Variants in ROBO2 observed in about 807,000 individuals in gnomAD.
ROBO2 encodes the protein roundabout guidance receptor 2.
A neutral mutation model predicts 160.8 loss-of-function variants in ROBO2; 53 were observed. That is an observed-to-expected ratio of 0.33 (90% confidence interval 0.26 to 0.41). The LOEUF (loss-of-function observed/expected upper bound fraction) is 0.41, where lower values mean the gene tolerates loss of function less well. Among genes scored for constraint, ROBO2 ranks in the 10% least tolerant of loss-of-function variants. The pLI is 1.00. For missense variants in ROBO2, 1,577 were observed against 1,722.4 expected, an observed-to-expected ratio of 0.92 and a Z score of 1.49; for synonymous variants, 664 against 611.7, an observed-to-expected ratio of 1.09 and a Z score of -1.26.
At chr3:77,537,996 T>C (rs1026859172) in intron 6 of ROBO2, among the ~76,000 whole-genome samples, 32 of 152,164 alleles carry the variant, frequency 2.1e-4, no homozygotes, top group South Asian at 6.2e-4. Context: ...CCATATCAGG[T>C]ATAGACATTG....
chr3:76,819,005 T>A lies in ROBO2; in HGVS notation c.110-279009T>A, dbSNP rs117820787. Among the ~76,000 whole-genome samples the A allele has an allele frequency of 1.5e-3, 233 of 152,162 alleles. 5 individuals are homozygous for A. The East Asian group carries it at 0.038, about 25-fold the overall frequency. On this transcript the variant is annotated intron_variant, in intron 2 of 26. Coordinates refer to the ROBO2 transcript ENST00000487694. ...AACTGTCTATCTTAGATTTTCTCCC[T>A]CAGAACCCAGGATAATGCATAAAGG... is the stretch of plus-strand genomic sequence containing the variant.
Position 76,187,174 on chromosome 3 carries a change from A to T in ROBO2, c.109+249572A>T, listed in dbSNP as rs1191414328. 2.0e-5 allele frequency among the ~76,000 whole-genome samples: 3 copies of T among 152,274 alleles called. No individual in the cohort carries two copies. In the East Asian group the frequency reaches 5.8e-4, roughly 29 times the overall value. On this transcript the variant is annotated intron_variant, in intron 2 of 26. Transcript: ENST00000487694. ...GCACTTCTCTGAGCTGAAAACAAACATAACCAAATATTTGCCTGGAATCAT... is the reference window on the plus strand; with the variant it reads ...GCACTTCTCTGAGCTGAAAACAAACTTAACCAAATATTTGCCTGGAATCAT...
intron 2 of ROBO2, among the ~76,000 whole-genome samples, chr3:76,631,419 G>A (rs867380587): frequency 2.0e-5 from 3 of 151,682 alleles, no homozygotes; most frequent in South Asian, 2.1e-4. Flanking sequence ...TCTAGTGTAC[G>A]GGTAGAAAAA....
chr3:77,466,356 T>C (rs1180626203), intron 2 of ROBO2, among the ~76,000 whole-genome samples: 1 of 152,156 alleles, frequency 6.6e-6, no homozygotes, highest in Non-Finnish European at 1.5e-5. Flanking sequence ...GAATATGTTT[T>C]TAAAATTCAA....
At chr3:77,084,035 A>G (rs965495667) in intron 1 of ROBO2, among the ~76,000 whole-genome samples, 4 of 152,156 alleles carry the variant, frequency 2.6e-5, no homozygotes, top group South Asian at 2.1e-4. Flanking sequence ...CATCTAAGGC[A>G]TACATACCTT....
intron 6 of ROBO2, among the ~76,000 whole-genome samples, chr3:77,540,213 T>C (rs918888482): frequency 2.6e-5 from 4 of 152,208 alleles, no homozygotes; most frequent in Non-Finnish European, 5.9e-5. Flanking sequence ...TAATGGGTTT[T>C]ATGCTACCCT....
intron 21 of ROBO2, among the ~76,000 whole-genome samples, chr3:77,616,168 C>T (rs143035918): frequency 6.6e-6 from 1 of 152,104 alleles, no homozygotes; most frequent in Non-Finnish European, 1.5e-5. Flanking sequence ...GAGAAGACTT[C>T]ACAAAACTGA....
intron 16 of ROBO2, among the ~76,000 whole-genome samples, chr3:77,582,400 T>A (rs188633539): frequency 1.8e-4 from 27 of 152,310 alleles, no homozygotes; most frequent in Non-Finnish European, 3.5e-4. Context: ...TGTTTTTTTT[T>A]AATCCAATCT....
At chr3:76,033,803 G>A (rs1245702379) in intron 2 of ROBO2, among the ~76,000 whole-genome samples, 1 of 152,086 alleles carries the variant, frequency 6.6e-6, no homozygotes, top group Non-Finnish European at 1.5e-5. Context: ...CTGTTGTCTG[G>A]AACACCATGG....
At chr3:76,931,822 A>G (rs2077364316) in intron 2 of ROBO2, among the ~76,000 whole-genome samples, 1 of 151,994 alleles carries the variant, frequency 6.6e-6, no homozygotes, top group South Asian at 2.1e-4. Flanking sequence ...CTGGGATTAC[A>G]GGCACCTGCC....
At chr3:76,036,216 C>G (rs549982277) in intron 2 of ROBO2, among the ~76,000 whole-genome samples, 1 of 151,890 alleles carries the variant, frequency 6.6e-6, no homozygotes, top group South Asian at 2.1e-4. Context: ...GTGGAGTGAT[C>G]TCAGCTCACT....
chr3:76,400,263 A>G (rs553968059), intron 2 of ROBO2, among the ~76,000 whole-genome samples: 1 of 151,800 alleles, frequency 6.6e-6, no homozygotes, highest in South Asian at 2.1e-4. Flanking sequence ...CTAAGCCTCA[A>G]TAACCGTTTT....
chr3:76,662,581 T>A (rs578079792), intron 2 of ROBO2, among the ~76,000 whole-genome samples: 1 of 152,124 alleles, frequency 6.6e-6, no homozygotes, highest in South Asian at 2.1e-4. Context: ...AAGGTAGTAC[T>A]AATGCGAGTT....
chr3:76,635,728 C>G (rs913277922), intron 2 of ROBO2, among the ~76,000 whole-genome samples: 1 of 152,226 alleles, frequency 6.6e-6, no homozygotes, highest in African/African-American at 2.4e-5. Context: ...CAGACACTTC[C>G]TCACGAGCTC....
chr3:76,983,362 A>T (rs1025198540), intron 2 of ROBO2, among the ~76,000 whole-genome samples: 22 of 152,160 alleles, frequency 1.4e-4, no homozygotes, highest in African/African-American at 4.6e-4. Flanking sequence ...CAATTGACAA[A>T]TTTTTTCAAA....
chr3:77,335,011 G>A (rs2066347553), intron 2 of ROBO2, among the ~76,000 whole-genome samples: 2 of 152,310 alleles, frequency 1.3e-5, no homozygotes, highest in African/African-American at 4.8e-5. Context: ...GTTAAAACTT[G>A]AAGTGGTAAT....
chr3:77,433,870 C>G (rs753495322), intron 2 of ROBO2, among the ~76,000 whole-genome samples: 1 of 151,982 alleles, frequency 6.6e-6, no homozygotes, highest in African/African-American at 2.4e-5. Context: ...TCCCTTATCC[C>G]CTGGATCAAA....
intron 2 of ROBO2, among the ~76,000 whole-genome samples, chr3:76,601,873 T>C (rs149536384): frequency 1.1e-3 from 169 of 152,324 alleles, no homozygotes; most frequent in African/African-American, 4.0e-3. Context: ...TGGGTTCAAG[T>C]TTTCTGAACT....
chr3:77,565,545 T>G (rs1582983753), intron 12 of ROBO2, among the ~76,000 whole-genome samples: 1 of 152,212 alleles, frequency 6.6e-6, no homozygotes, highest in South Asian at 2.1e-4. Flanking sequence ...ACAGTGTGGT[T>G]CCTGGGTAAG....
Sources: allele counts gnomAD v4.1 joint callset (sites outside exome capture counted in the v4.1 genomes callset), GRCh38; gene constraint gnomAD v4.1.1; transcripts MANE v1.5; gene names NCBI Gene and HGNC (gene_info 2026-07-23, HGNC 2026-07-21).